The following ZC3H3 variants were observed in gnomAD, a reference collection of about 807,000 sequenced individuals.
ZC3H3 encodes zinc finger CCCH-type containing 3, also known as zinc finger CCCH domain-containing protein 3.
Under a neutral mutation model 77.3 loss-of-function variants are expected in ZC3H3, and 36 were observed. The observed-to-expected ratio is 0.47, with a 90% CI of 0.36 to 0.61. The LOEUF is 0.61. ZC3H3 is among the 20% of genes least tolerant of loss of function. The pLI, the probability that ZC3H3 is intolerant of heterozygous loss-of-function variation, is 0.00. For synonymous variants in ZC3H3, 626 were observed against 555.2 expected (o/e 1.13, Z -1.79); for missense variants, 1,331 against 1,312.2 (o/e 1.01, Z -0.22).
chr8:143,446,740 G>A (rs993152869), intron 9 of ZC3H3, among the ~76,000 whole-genome samples: 2 of 152,282 alleles, frequency 1.3e-5, no homozygotes, highest in Non-Finnish European at 2.9e-5. Context: ...CAGGCCAGGT[G>A]GCCTGGGTGG....
At chr8:143,461,942 G>T (rs530856112) in intron 9 of ZC3H3, among the ~76,000 whole-genome samples, 1 of 151,460 alleles carries the variant, frequency 6.6e-6, no homozygotes, top group Non-Finnish European at 1.5e-5. Flanking sequence ...CAGAGGAATT[G>T]TGTGGGAGGG....
intron 4 of ZC3H3, among the ~76,000 whole-genome samples, chr8:143,476,072 G>C (rs1332916420): frequency 6.6e-6 from 1 of 152,180 alleles, no homozygotes; most frequent in Non-Finnish European, 1.5e-5. Context: ...TGGCACCTGG[G>C]CTGAGGCTCC....
At chr8:143,445,904 C>G (rs1819853182) in intron 9 of ZC3H3, among the ~76,000 whole-genome samples, 2 of 152,028 alleles carry the variant, frequency 1.3e-5, no homozygotes, top group African/African-American at 4.8e-5. Context: ...GAATAATGGT[C>G]AAGAATAGCT....
rs1563839503 is a variant in ZC3H3, at chr8:143,460,296, C to T, written c.2307+5421G>A. 2.1e-5 allele frequency among the ~76,000 whole-genome samples: 3 copies of T among 141,056 alleles called. No individual in the cohort carries two copies. Among genetic ancestry groups the T allele is most frequent in the Admixed American group, 2.1e-4 (3 of 14,226 alleles). 92.5% of individuals were successfully genotyped at this position (141,056 alleles called of 152,430 possible). A position where few individuals can be genotyped will look rare whatever the true frequency, so the allele number is the denominator to read the frequency against. The stretch of plus-strand genomic sequence containing the variant: ...AATAAATAAATAAATAAATAAAAGG[C>T]ATCCCAATTGAAAAGGAAGAAGTAA... On this transcript the variant is annotated intron_variant, in intron 9 of 11. Coordinates refer to ENST00000262577, the MANE Select transcript of ZC3H3 (RefSeq NM_015117.3). The surrounding 1 kb of genome is among the most constrained non-coding windows in gnomAD (Gnocchi z 4.0).
intron 5 of ZC3H3, among the ~76,000 whole-genome samples, chr8:143,471,607 G>A (rs1372548811): frequency 1.3e-5 from 2 of 152,234 alleles, no homozygotes; most frequent in Admixed American, 6.5e-5. Context: ...GGATTCTGTG[G>A]GGAGGGACCC....
chr8:143,522,226 C>A (rs1822269608), intron 3 of ZC3H3, among the ~76,000 whole-genome samples: 1 of 152,216 alleles, frequency 6.6e-6, no homozygotes, highest in South Asian at 2.1e-4. Flanking sequence ...ACATGGGCCA[C>A]ACACAACCCT....
chr8:143,526,052 T>C (rs1313172753), intron 3 of ZC3H3, among the ~76,000 whole-genome samples: 1 of 152,158 alleles, frequency 6.6e-6, no homozygotes, highest in African/African-American at 2.4e-5. Flanking sequence ...ACAGCCACCA[T>C]AGTTCAAGTC....
chr8:143,488,430 C>CAGGA (rs1821103953), intron 4 of ZC3H3, among the ~76,000 whole-genome samples: 1 of 139,186 alleles, frequency 7.2e-6, no homozygotes. Context: ...CCACGAAGCT[C>CAGGA]ACACACAGAA....
At chr8:143,473,881 T>G (rs1276394125) in intron 5 of ZC3H3, among the ~76,000 whole-genome samples, 1 of 152,096 alleles carries the variant, frequency 6.6e-6, no homozygotes, top group African/African-American at 2.4e-5. Flanking sequence ...GGCTTATACT[T>G]CACTCAGGGA....
Position 143,536,421 on chromosome 8 carries a change from G to C in ZC3H3, c.1397C>G (p.Pro466Arg). 1 of 1,543,226 alleles carries C rather than the reference G, an allele frequency of 6.5e-7. No individual in the cohort carries two copies. The highest frequency in any genetic ancestry group is 1.7e-4 in the Middle Eastern group (1 of 5,794). Reference protein sequence around the residue: ...LPGDKKSGTSPAATAKSHLSL... With the variant: ...LPGDKKSGTSRAATAKSHLSL... ...GAGGTGGCTCTTGGCGGTGGCGGCA[G>C]GTGAGGTGCCGCTTTTCTTGTCTCC... The change falls in exon 3 of 12, where the codon CCT (proline) becomes CGT (arginine). Residue 466 changes from proline to arginine, a missense_variant. By Grantham distance (103) the Pro-to-Arg change is moderately radical (BLOSUM62 -2). Around this residue, in one of 3 missense-constraint regions of ZC3H3, gnomAD observed 978 missense variants for 915.5 expected, o/e 1.07. Transcript: ENST00000262577.
intron 3 of ZC3H3, among the ~76,000 whole-genome samples, chr8:143,527,645 C>T (rs935304445): frequency 1.3e-5 from 2 of 152,210 alleles, no homozygotes; most frequent in African/African-American, 4.8e-5. Context: ...CTTATGAAAG[C>T]AGGACTCCAG....
Position 143,539,093 on chromosome 8 carries a change from C to T in ZC3H3, c.274G>A (p.Val92Met). The change falls in exon 2 of 12, where the codon GTG (valine) becomes ATG (methionine). Residue 92 changes from valine to methionine, a missense_variant. Val to Met is a conservative substitution (Grantham distance 21, BLOSUM62 1). Transcript: ENST00000262577. ...CCCCGGGCCCCGTGCAACGGCCGCACAGCATGGTCGGCAGGAGGGTCTGAG... is the reference window on the plus strand; with the variant it reads ...CCCCGGGCCCCGTGCAACGGCCGCATAGCATGGTCGGCAGGAGGGTCTGAG... ...GPSDPPADHAVRPLHGARGGQ... is the reference protein window; with the variant it reads ...GPSDPPADHAMRPLHGARGGQ... The T allele has an allele frequency of 1.2e-6, 2 of 1,612,952 alleles. No homozygotes were observed. Among genetic ancestry groups the T allele is most frequent in the African/African-American group, 1.3e-5 (1 of 75,058 alleles).
chr8:143,529,737 A>C (rs1444545984), intron 3 of ZC3H3, among the ~76,000 whole-genome samples: 1 of 152,162 alleles, frequency 6.6e-6, no homozygotes, highest in Admixed American at 6.5e-5. Context: ...CTCAGGTCCC[A>C]CCTGGGTCCT....
chr8:143,528,789 C>T (rs1417843982), intron 3 of ZC3H3, among the ~76,000 whole-genome samples: 1 of 152,236 alleles, frequency 6.6e-6, no homozygotes, highest in Non-Finnish European at 1.5e-5. Flanking sequence ...CATGGGGCCT[C>T]CTGAGGGAGC....
At chr8:143,465,399 T>TCCCAGGAGCTGCTCCGG (rs1480252309) in intron 9 of ZC3H3, among the ~76,000 whole-genome samples, 1 of 152,072 alleles carries the variant, frequency 6.6e-6, no homozygotes, top group African/African-American at 2.4e-5. Context: ...CCCAGCAACA[T>TCCCAGGAGCTGCTCCGG]CCCAGGAGCT....
chr8:143,476,401 C>T (rs1419530455), intron 4 of ZC3H3, among the ~76,000 whole-genome samples: 1 of 152,204 alleles, frequency 6.6e-6, no homozygotes, highest in East Asian at 1.9e-4. Context: ...CCTAGGCCGA[C>T]AGACCCTGAG....
At chr8:143,525,600 C>T (rs911049807) in intron 3 of ZC3H3, among the ~76,000 whole-genome samples, 2 of 152,226 alleles carry the variant, frequency 1.3e-5, no homozygotes, top group Admixed American at 6.5e-5. Context: ...CATGAGGACA[C>T]GGACCAGAGG....
In ZC3H3 at chr8:143,493,515, T is replaced by C. The variant is rs577907918; in HGVS notation, c.1715+14231A>G. Reference sequence around the variant, plus strand: ...TGGAAGGTATGCAGGCTCGGGGGGATGCCAGCTCAGCCCTGCTGCCATGGG... The same window carrying C: ...TGGAAGGTATGCAGGCTCGGGGGGACGCCAGCTCAGCCCTGCTGCCATGGG... On this transcript the variant is annotated intron_variant, in intron 4 of 11. Coordinates refer to ENST00000262577, the MANE Select transcript of ZC3H3 (RefSeq NM_015117.3). The surrounding 1 kb of genome is among the most constrained non-coding windows in gnomAD (Gnocchi z 4.8). Among the ~76,000 whole-genome samples the C allele has an allele frequency of 2.6e-5, 4 of 152,270 alleles. No individual in the cohort carries two copies. The South Asian group carries it at 8.3e-4, about 32-fold the overall frequency.
rs11548254 is a variant in ZC3H3 at position 143,536,310 on chromosome 8, G to T, written c.1508C>A (p.Thr503Lys). Residue 503 changes from threonine (T) to lysine (K), a missense_variant, in exon 3 of 12, where the codon ACG becomes AAG. Transcript: ENST00000262577. Reference sequence around the variant, plus strand: ...CGGTGGCAGGCGACATAGTCGGTGCGTGGTGACCTGTACCAGGCCCTTGTT... The same window carrying T: ...CGGTGGCAGGCGACATAGTCGGTGCTTGGTGACCTGTACCAGGCCCTTGTT... ...TPNKGLVQVT[T>K]HRLCRLPPSR... The T allele has an allele frequency of 0.013, 20,350 of 1,612,030 alleles. 161 individuals are homozygous for T. The highest frequency in any genetic ancestry group is 0.015 in the Non-Finnish European group (17,446 of 1,179,660).
Sources: allele counts gnomAD v4.1 joint callset (sites outside exome capture counted in the v4.1 genomes callset), GRCh38; gene constraint gnomAD v4.1.1; regional missense constraint gnomAD v4.1.1; non-coding constraint Gnocchi (gnomAD v3.1); transcripts MANE v1.5; gene names NCBI Gene and HGNC (gene_info 2026-07-23, HGNC 2026-07-21).